Variants in SNTG1 observed in about 807,000 individuals in gnomAD.
SNTG1 encodes the protein gamma-1-syntrophin.
A neutral mutation model predicts 74.7 loss-of-function variants in SNTG1; 39 were observed. That is an observed-to-expected ratio of 0.52 (90% confidence interval 0.40 to 0.68). SNTG1 has a LOEUF of 0.68. Ranked by LOEUF, SNTG1 falls within the 30% of genes least tolerant of loss-of-function variation. The pLI is 0.00. For synonymous variants in SNTG1, 254 were observed against 217.1 expected, an observed-to-expected ratio of 1.17 and a Z score of -1.49; for missense variants, 685 against 609.5, an observed-to-expected ratio of 1.12 and a Z score of -1.30.
chr8:50,754,621 T>A (rs2095575731), intron 18 of SNTG1, among the ~76,000 whole-genome samples: 1 of 151,952 alleles, frequency 6.6e-6, no homozygotes, highest in African/African-American at 2.4e-5. Flanking sequence ...AAGAACTACA[T>A]TAATTTTTAC....
At position 50,266,670 on chromosome 8, in the gene SNTG1, G is replaced by GTATATA. The variant is rs36195459; in HGVS notation, c.-28+94036_-28+94037insATATAT. Among the ~76,000 whole-genome samples, 124 of 67,330 alleles carry GTATATA rather than the reference G, an allele frequency of 1.8e-3. No homozygotes were observed. The East Asian group carries it at 0.035, about 19-fold the overall frequency. 44.2% of individuals were successfully genotyped at this position (67,330 alleles called of 152,430 possible). A position where few individuals can be genotyped will look rare whatever the true frequency, so the allele number is the denominator to read the frequency against. On this transcript the variant is annotated intron_variant, in intron 2 of 18. Coordinates refer to ENST00000642720, the MANE Select transcript of SNTG1 (RefSeq NM_018967.5). ...TATGTGTGTGTGTGTGTGTGTGTGTGTGTGTGTGTGTGTGTATATATATAT... is the reference window on the plus strand; with the variant it reads ...TATGTGTGTGTGTGTGTGTGTGTGTGTATATATGTGTGTGTGTGTGTATATATATAT...
chr8:50,381,611 C>A (rs1256055271), intron 2 of SNTG1, among the ~76,000 whole-genome samples: 2 of 97,772 alleles, frequency 2.0e-5, no homozygotes, highest in African/African-American at 3.9e-5. Context: ...TATATATCTC[C>A]TATTAGTTAT....
chr8:50,277,504 G>A (rs865823564), intron 2 of SNTG1, among the ~76,000 whole-genome samples: 2 of 152,116 alleles, frequency 1.3e-5, no homozygotes, highest in South Asian at 2.1e-4. Context: ...GGAGACCTAT[G>A]TGATTTCAAT....
chr8:49,910,726 G>C (rs553032873), upstream of SNTG1, among the ~76,000 whole-genome samples: 1 of 152,182 alleles, frequency 6.6e-6, no homozygotes, highest in East Asian at 1.9e-4. Context: ...AGGGGGCAGC[G>C]TGGGAGACCA....
intron 18 of SNTG1, among the ~76,000 whole-genome samples, chr8:50,752,460 A>G (rs957384524): frequency 3.9e-5 from 6 of 151,904 alleles, no homozygotes; most frequent in Non-Finnish European, 7.4e-5. Context: ...ATCTGACTAT[A>G]TTTACATAAA....
At chr8:49,983,679 C>A (rs765374382) in intron 1 of SNTG1, among the ~76,000 whole-genome samples, 7 of 152,208 alleles carry the variant, frequency 4.6e-5, no homozygotes, top group Admixed American at 2.6e-4. Context: ...TCAGTCACAG[C>A]AACCAACAGA....
intron 2 of SNTG1, among the ~76,000 whole-genome samples, chr8:50,388,841 G>C (rs559436397): frequency 2.2e-4 from 33 of 152,174 alleles, no homozygotes; most frequent in Non-Finnish European, 3.7e-4. Context: ...ACCTAGATTA[G>C]TGTTTGATTA....
rs573466626 is a variant in SNTG1 at position 50,587,523 on chromosome 8, CTG to C, written c.811-3354_811-3353del. ...TGTGTGTATATTTAAAAATGTTAGA[CTG>C]TTAAAAATTAGTGGCTTGGCCGGGC... On this transcript the variant is annotated intron_variant, in intron 12 of 18. Transcript: ENST00000642720. Among the ~76,000 whole-genome samples, 1,223 of 152,182 alleles carry C rather than the reference CTG, an allele frequency of 8.0e-3. 10 individuals carry two copies. The highest frequency in any genetic ancestry group is 0.013 in the Non-Finnish European group (913 of 68,004).
intron 1 of SNTG1, among the ~76,000 whole-genome samples, chr8:49,995,064 A>T (rs541443946): frequency 8.4e-4 from 128 of 152,288 alleles, no homozygotes; most frequent in African/African-American, 3.0e-3. Flanking sequence ...ACATGTGAGA[A>T]TCGAGAGATT....
chr8:50,566,802 T>C (rs1303019017), intron 12 of SNTG1, among the ~76,000 whole-genome samples: 1 of 152,054 alleles, frequency 6.6e-6, no homozygotes. Flanking sequence ...GGGTACAAAA[T>C]CCTAGCTTCT....
chr8:50,256,220 C>T (rs1474055535), intron 2 of SNTG1, among the ~76,000 whole-genome samples: 2 of 151,964 alleles, frequency 1.3e-5, no homozygotes, highest in Non-Finnish European at 2.9e-5. Context: ...GCAGCCAAGC[C>T]TTTCATGTCT....
chr8:50,078,161 A>G (rs142683148), intron 1 of SNTG1, among the ~76,000 whole-genome samples: 2 of 152,208 alleles, frequency 1.3e-5, no homozygotes, highest in African/African-American at 2.4e-5. Context: ...AGAGAATACA[A>G]CACTATCTTG....
chr8:50,096,425 G>T (rs2079932712), intron 1 of SNTG1, among the ~76,000 whole-genome samples: 1 of 152,120 alleles, frequency 6.6e-6, no homozygotes, highest in African/African-American at 2.4e-5. Context: ...TAATTGTGAA[G>T]GAGGCGATGG....
intron 2 of SNTG1, among the ~76,000 whole-genome samples, chr8:50,291,842 A>T (rs1266698492): frequency 6.6e-6 from 1 of 152,138 alleles, no homozygotes; most frequent in Non-Finnish European, 1.5e-5. Flanking sequence ...CAATTTTAAG[A>T]CAGAAAAGAC....
chr8:50,470,581 G>C (rs2093644515), intron 8 of SNTG1, among the ~76,000 whole-genome samples: 1 of 152,148 alleles, frequency 6.6e-6, no homozygotes, highest in Non-Finnish European at 1.5e-5. Flanking sequence ...GTGGGTTTGT[G>C]GTCTTGCTGG....
At chr8:50,333,360 T>C (rs1262047001) in intron 2 of SNTG1, among the ~76,000 whole-genome samples, 1 of 152,258 alleles carries the variant, frequency 6.6e-6, no homozygotes, top group Non-Finnish European at 1.5e-5. Flanking sequence ...TTGCAAGTAT[T>C]TTCCTGACAT....
chr8:50,375,198 T>C (rs2092351718), intron 2 of SNTG1, among the ~76,000 whole-genome samples: 1 of 152,134 alleles, frequency 6.6e-6, no homozygotes, highest in Non-Finnish European at 1.5e-5. Flanking sequence ...AAATGAGATG[T>C]TTGCATTACT....
intron 15 of SNTG1, among the ~76,000 whole-genome samples, chr8:50,686,991 C>T (rs547857011): frequency 7.0e-4 from 106 of 150,954 alleles, no homozygotes; most frequent in African/African-American, 2.2e-3. Flanking sequence ...AAAAATTAGC[C>T]GGGCGCAGTG....
At chr8:50,418,914 C>A (rs2093047146) in intron 4 of SNTG1, among the ~76,000 whole-genome samples, 2 of 152,000 alleles carry the variant, frequency 1.3e-5, no homozygotes, top group Non-Finnish European at 2.9e-5. Flanking sequence ...AAAATATATC[C>A]AGGATATATC....
Sources: allele counts gnomAD v4.1 joint callset (sites outside exome capture counted in the v4.1 genomes callset), GRCh38; gene constraint gnomAD v4.1.1; transcripts MANE v1.5; gene names NCBI Gene and HGNC (gene_info 2026-07-23, HGNC 2026-07-21).